PLAC1: variants seen among roughly 807,000 people sequenced by gnomAD.
The protein encoded by PLAC1 is placenta associated 1.
For missense variants in PLAC1, 136 were observed against 163.2 expected (o/e 0.83, Z 0.91); for synonymous variants, 68 against 62.1 (o/e 1.09, Z -0.44).
At chrX:134,659,917 T>C (rs780807238), upstream of PLAC1, among the ~76,000 whole-genome samples, 2 of 111,564 alleles carry the variant, frequency 1.8e-5, no homozygotes, top group East Asian at 5.6e-4. Context: ...CCAGGTGGTA[T>C]ATAGCACATG....
chrX:134,606,501 T>C (rs1336665967), intron 1 of PLAC1, among the ~76,000 whole-genome samples: 1 of 111,516 alleles, frequency 9.0e-6, no homozygotes, highest in African/African-American at 3.3e-5. Flanking sequence ...CCAGTCAGAA[T>C]GGCTATAATT....
intron 2 of PLAC1, among the ~76,000 whole-genome samples, chrX:134,570,129 CGTCCG>C (rs1569373274): frequency 8.9e-6 from 1 of 112,054 alleles, no homozygotes; most frequent in African/African-American, 3.2e-5. Flanking sequence ...TGAGCCACCA[CGTCCG>C]GCAGGGGGGA....
intron 1 of PLAC1, among the ~76,000 whole-genome samples, chrX:134,654,357 T>C (rs1487629785): frequency 8.9e-6 from 1 of 112,255 alleles, no homozygotes; most frequent in Non-Finnish European, 1.9e-5. Flanking sequence ...CCCAAATGAT[T>C]CTTACGATCA....
intron 2 of PLAC1, among the ~76,000 whole-genome samples, chrX:134,585,102 C>A (rs767487555): frequency 2.1e-5 from 2 of 96,423 alleles, no homozygotes; most frequent in African/African-American, 7.7e-5. Context: ...GAGGCTGAAG[C>A]GGGCGGATCA....
intron 2 of PLAC1, among the ~76,000 whole-genome samples, chrX:134,594,014 A>G (rs1179318734): frequency 9.0e-6 from 1 of 111,394 alleles, no homozygotes; most frequent in East Asian, 2.8e-4. Flanking sequence ...GTTTTTCACC[A>G]TTAAGTAAAA....
intron 2 of PLAC1, among the ~76,000 whole-genome samples, chrX:134,701,810 G>T (rs905207964): frequency 8.9e-6 from 1 of 112,265 alleles, no homozygotes; most frequent in Non-Finnish European, 1.9e-5. Flanking sequence ...TTGAGGTCAG[G>T]AGTTCGAGAC....
intron 2 of PLAC1, among the ~76,000 whole-genome samples, chrX:134,690,729 C>T (rs1158817820): frequency 9.4e-6 from 1 of 106,120 alleles, no homozygotes; most frequent in Non-Finnish European, 1.9e-5. Context: ...TCAGGAGATC[C>T]GAAACCATCC....
At chrX:134,568,551 G>A (rs957059915) in intron 2 of PLAC1, among the ~76,000 whole-genome samples, 2 of 111,611 alleles carry the variant, frequency 1.8e-5, no homozygotes, top group Admixed American at 9.6e-5. Flanking sequence ...GGGTGTAAAA[G>A]AGAAGCCCCA....
At chrX:134,648,165 T>C (rs2078343908) in intron 1 of PLAC1, among the ~76,000 whole-genome samples, 1 of 111,005 alleles carries the variant, frequency 9.0e-6, no homozygotes, top group Non-Finnish European at 1.9e-5. Context: ...AAAATACGCC[T>C]GGGAGGAATA....
At chrX:134,746,491 C>T (rs1037596642) in intron 1 of PLAC1, among the ~76,000 whole-genome samples, 1 of 111,782 alleles carries the variant, frequency 8.9e-6, no homozygotes, top group African/African-American at 3.3e-5. Context: ...TTGTGGTCAC[C>T]TTGGCCCTCA....
At chrX:134,642,626 G>A (rs1038509912) in intron 1 of PLAC1, among the ~76,000 whole-genome samples, 1 of 111,319 alleles carries the variant, frequency 9.0e-6, no homozygotes, top group Non-Finnish European at 1.9e-5. Context: ...CTTCCTGAAA[G>A]ACATGATGCA....
At chrX:134,746,583 T>A (rs1046863759) in intron 1 of PLAC1, among the ~76,000 whole-genome samples, 8 of 111,835 alleles carry the variant, frequency 7.2e-5, no homozygotes, top group Admixed American at 9.5e-5. Flanking sequence ...AGAAAGCCCA[T>A]AACTCACTCT....
chrX:134,579,724 G>C, intron 2 of PLAC1, among the ~76,000 whole-genome samples: 1 of 111,483 alleles, frequency 9.0e-6, no homozygotes, highest in Admixed American at 9.6e-5. Flanking sequence ...GGGAGACCCA[G>C]ATAGACTCCA....
intron 1 of PLAC1, among the ~76,000 whole-genome samples, chrX:134,616,657 CA>C (rs1306588112): frequency 1.8e-5 from 2 of 109,384 alleles, no homozygotes; most frequent in Non-Finnish European, 3.8e-5. Flanking sequence ...AACAAAACAA[CA>C]AAAAAAAATT....
At chrX:134,618,384 G>A (rs1448341843) in intron 1 of PLAC1, among the ~76,000 whole-genome samples, 1 of 110,766 alleles carries the variant, frequency 9.0e-6, no homozygotes, top group Non-Finnish European at 1.9e-5. Context: ...CACTTACTAT[G>A]TTTCCAGCAC....
At chrX:134,729,267 C>A (rs2078681974) in intron 2 of PLAC1, among the ~76,000 whole-genome samples, 1 of 111,907 alleles carries the variant, frequency 8.9e-6, no homozygotes, top group African/African-American at 3.2e-5. Context: ...AGACTAGATA[C>A]CATTCATTAA....
intron 2 of PLAC1, among the ~76,000 whole-genome samples, chrX:134,721,313 C>T (rs754862994): frequency 2.7e-5 from 3 of 111,874 alleles, no homozygotes; most frequent in Non-Finnish European, 5.6e-5. Context: ...TGGCTCACGC[C>T]TATAATCCCA....
chrX:134,566,040 A>G lies in PLAC1; in HGVS notation c.*4T>C. 8.3e-7 allele frequency: 1 copy of G among 1,201,486 alleles called. No individual in the cohort carries two copies. The highest frequency in any genetic ancestry group is 2.2e-5 in the Admixed American group (1 of 45,918). On this transcript the variant is annotated 3_prime_UTR_variant, in exon 3 of 3. Transcript: ENST00000359237. ...GCATCTTCAGGAGACCCCAAACCTG[A>G]GGATCACATGGACCCAATCATATCA...
chrX:134,686,665 T>C (rs2078518108), intron 2 of PLAC1, among the ~76,000 whole-genome samples: 1 of 111,939 alleles, frequency 8.9e-6, no homozygotes, highest in Admixed American at 9.5e-5. Flanking sequence ...TTGTGAATCA[T>C]AGCAGAAGGC....
Sources: gnomAD v4.1 joint callset for allele counts (sites outside exome capture counted in the v4.1 genomes callset) on GRCh38, gnomAD v4.1.1 for gene constraint, MANE v1.5 for transcripts, NCBI Gene and HGNC (gene_info 2026-07-23, HGNC 2026-07-21) for gene names.